Variants in CMIP observed in about 807,000 individuals in gnomAD.
CMIP encodes the protein c-Maf inducing protein.
In CMIP, 13 loss-of-function variants were observed where a neutral mutation model predicts 97.3. The observed-to-expected ratio is 0.13, with a 90% CI of 0.09 to 0.21. The LOEUF (loss-of-function observed/expected upper bound fraction) is 0.21, where lower values mean the gene tolerates loss of function less well. CMIP is among the 10% of genes least tolerant of loss of function. CMIP has a pLI of 1.00. For missense variants in CMIP, 847 were observed against 1,024.9 expected (o/e 0.83, Z 2.37); for synonymous variants, 538 against 436.3 (o/e 1.23, Z -2.91).
chr16:81,488,683 C>T (rs2089358963), intron 1 of CMIP, among the ~76,000 whole-genome samples: 1 of 152,088 alleles, frequency 6.6e-6, no homozygotes, highest in East Asian at 1.9e-4. Context: ...TACCGCAGCA[C>T]CAGGGAGGCT....
chr16:81,526,857 T>C (rs1240690158), intron 1 of CMIP, among the ~76,000 whole-genome samples: 2 of 152,232 alleles, frequency 1.3e-5, no homozygotes, highest in Admixed American at 6.5e-5. Context: ...GGAAGGGCCC[T>C]GAGCCTCTCT....
At chr16:81,547,062 C>G (rs2090560704) in intron 1 of CMIP, among the ~76,000 whole-genome samples, 1 of 152,116 alleles carries the variant, frequency 6.6e-6, no homozygotes, top group Non-Finnish European at 1.5e-5. Flanking sequence ...GCAGTCTGGG[C>G]TGGGATGTGG....
intron 1 of CMIP, among the ~76,000 whole-genome samples, chr16:81,532,060 T>A (rs2090247442): frequency 1.3e-5 from 2 of 152,344 alleles, no homozygotes; most frequent in South Asian, 4.1e-4. Flanking sequence ...TCTGTAGTTC[T>A]CCTAGCAATC....
intron 9 of CMIP, among the ~76,000 whole-genome samples, chr16:81,672,784 C>T (rs996834603): frequency 6.6e-5 from 10 of 152,162 alleles, no homozygotes; most frequent in African/African-American, 2.4e-4. Context: ...TGCTGTGTTA[C>T]CCAGGCTAGT....
chr16:81,646,663 G>GAA (rs2092367781), intron 3 of CMIP, among the ~76,000 whole-genome samples: 1 of 152,178 alleles, frequency 6.6e-6, no homozygotes, highest in Admixed American at 6.5e-5. Flanking sequence ...CCCAGGCAAT[G>GAA]AATGTTCCAC....
In CMIP at chr16:81,678,403, C is replaced by G; in HGVS notation, c.1163C>G (p.Ser388Cys). ...CTGGTGTCTCAGGAAGCCACGCTGTCTGAGGCCCGGCTCAAGTCGGTGGTC... is the reference window on the plus strand; with the variant it reads ...CTGGTGTCTCAGGAAGCCACGCTGTGTGAGGCCCGGCTCAAGTCGGTGGTC... ...PDLVSQEATL[S>C]EARLKSVVVA... The change falls in exon 10 of 21, where the codon TCT becomes TGT. Residue 388 changes from serine to cysteine, a missense_variant. Transcript: ENST00000537098. 6.2e-7 allele frequency: 1 copy of G among 1,605,294 alleles called. No homozygotes were observed. Among genetic ancestry groups the G allele is most frequent in the Non-Finnish European group, 8.5e-7 (1 of 1,176,324 alleles).
chr16:81,513,873 G>A (rs1183384544), intron 1 of CMIP, among the ~76,000 whole-genome samples: 1 of 152,152 alleles, frequency 6.6e-6, no homozygotes, highest in Non-Finnish European at 1.5e-5. Flanking sequence ...TGTTGTCTTT[G>A]CCCAAACCAT....
At chr16:81,449,830 T>C (rs1906099149) in intron 1 of CMIP, among the ~76,000 whole-genome samples, 1 of 152,226 alleles carries the variant, frequency 6.6e-6, no homozygotes, top group South Asian at 2.1e-4. Flanking sequence ...TGGTCTGCCT[T>C]TCCCAGGCTG....
At chr16:81,568,024 AGT>A (rs555314806) in intron 1 of CMIP, among the ~76,000 whole-genome samples, 8 of 111,540 alleles carry the variant, frequency 7.2e-5, no homozygotes, top group Admixed American at 2.9e-4. Context: ...TGAGCTTTTC[AGT>A]GTGTGTGTGT....
chr16:81,683,966 G>A (rs1365423872), intron 10 of CMIP, among the ~76,000 whole-genome samples: 1 of 151,398 alleles, frequency 6.6e-6, no homozygotes, highest in Non-Finnish European at 1.5e-5. Context: ...TCGCCATGTT[G>A]ACCAGGCTGG....
intron 18 of CMIP, among the ~76,000 whole-genome samples, chr16:81,705,159 C>G (rs893485579): frequency 6.6e-6 from 1 of 152,214 alleles, no homozygotes; most frequent in African/African-American, 2.4e-5. Flanking sequence ...CGGCCCAGCC[C>G]TGTCCTTCCA....
intron 1 of CMIP, among the ~76,000 whole-genome samples, chr16:81,463,470 C>T (rs1454975251): frequency 1.3e-5 from 2 of 152,282 alleles, no homozygotes; most frequent in East Asian, 1.9e-4. Context: ...CTACGTTTGG[C>T]GGGACGGCGG....
At chr16:81,470,039 A>G (rs1008825037) in intron 1 of CMIP, among the ~76,000 whole-genome samples, 1 of 151,990 alleles carries the variant, frequency 6.6e-6, no homozygotes, top group South Asian at 2.1e-4. Context: ...CTGACAGTTC[A>G]CCAAGTACTG....
chr16:81,476,683 C>T (rs879823664), intron 1 of CMIP, among the ~76,000 whole-genome samples: 1 of 152,188 alleles, frequency 6.6e-6, no homozygotes, highest in Non-Finnish European at 1.5e-5. Context: ...TATGAAGAAG[C>T]CGTGGCATAT....
intron 1 of CMIP, among the ~76,000 whole-genome samples, chr16:81,556,313 C>T (rs1364659705): frequency 6.6e-6 from 1 of 152,156 alleles, no homozygotes; most frequent in South Asian, 2.1e-4. Context: ...CACCTTTTGG[C>T]TACTTAGAGT....
intron 1 of CMIP, among the ~76,000 whole-genome samples, chr16:81,494,919 A>G (rs2150770266): frequency 6.6e-6 from 1 of 152,350 alleles, no homozygotes; most frequent in South Asian, 2.1e-4. Context: ...GTTGGGCACC[A>G]GTATCGCACT....
At chr16:81,705,398 C>T (rs1435389982) in intron 18 of CMIP, 101 bp from the exon 19 acceptor site, 2 of 842,944 alleles carry the variant, frequency 2.4e-6, no homozygotes, top group East Asian at 2.7e-5. Context: ...GGCCTCAGAG[C>T]CAGGCTCTGT....
At chr16:81,634,181 C>T (rs537632261) in intron 3 of CMIP, among the ~76,000 whole-genome samples, 24 of 152,346 alleles carry the variant, frequency 1.6e-4, no homozygotes, top group Non-Finnish European at 2.8e-4. Context: ...TGCACCCCAG[C>T]GTTTGAGAAC....
At chr16:81,501,495 C>G (rs1194603015) in intron 1 of CMIP, among the ~76,000 whole-genome samples, 1 of 151,852 alleles carries the variant, frequency 6.6e-6, no homozygotes, top group Non-Finnish European at 1.5e-5. Context: ...CAGAACAGCC[C>G]TAAATTCTTG....
Sources: gnomAD v4.1 joint callset for allele counts (sites outside exome capture counted in the v4.1 genomes callset) on GRCh38, gnomAD v4.1.1 for gene constraint, MANE v1.5 for transcripts, NCBI Gene and HGNC (gene_info 2026-07-23, HGNC 2026-07-21) for gene names.